UBE2Q2: variants seen among roughly 807,000 people sequenced by gnomAD.
UBE2Q2 encodes ubiquitin conjugating enzyme E2 Q2.
UBE2Q2 carries 54 observed loss-of-function variants against 59.9 expected under a neutral mutation model. That is an observed-to-expected ratio of 0.90 (90% CI 0.72 to 1.13). The LOEUF (loss-of-function observed/expected upper bound fraction) is 1.13. UBE2Q2 is among the 50% of genes most tolerant of loss of function. UBE2Q2 has a pLI of 0.00. For missense variants in UBE2Q2, 433 were observed against 441.9 expected, an observed-to-expected ratio of 0.98 and a Z score of 0.18; for synonymous variants, 165 against 155.2, an observed-to-expected ratio of 1.06 and a Z score of -0.47.
intron 3 of UBE2Q2, among the ~76,000 whole-genome samples, chr15:75,865,834 T>G (rs1006085513): frequency 6.6e-6 from 1 of 151,910 alleles, no homozygotes. Flanking sequence ...AGAAAGGGTT[T>G]AAAGGGATGT....
intron 4 of UBE2Q2, 38 bp downstream of exon 4, chr15:75,869,048 T>A: frequency 6.5e-7 from 1 of 1,546,812 alleles, no homozygotes; most frequent in Non-Finnish European, 8.8e-7. Context: ...CATAAATTTC[T>A]TCATTTTTGA....
rs2593300 is a variant in UBE2Q2 at position 75,847,193 on chromosome 15, T to C, written c.180+3347T>C. Among the ~76,000 whole-genome samples, 1,470 of 152,324 alleles carry C rather than the reference T, an allele frequency of 9.7e-3. 24 individuals carry two copies. The highest frequency in any genetic ancestry group is 0.033 in the African/African-American group (1,361 of 41,552). ...TTCCACTCAATAAATGCTTCATAAA[T>C]ATTTGAGTATATAGCGCTATTCTAG... On this transcript the variant is annotated intron_variant, in intron 1 of 12. Coordinates refer to ENST00000267938, the MANE Select transcript of UBE2Q2 (RefSeq NM_173469.4).
At chr15:75,878,704 T>C (rs950507602) in intron 7 of UBE2Q2, among the ~76,000 whole-genome samples, 8 of 151,952 alleles carry the variant, frequency 5.3e-5, no homozygotes, top group African/African-American at 1.9e-4. Flanking sequence ...TTTTAGTGAT[T>C]TAAGTTTTCA....
chr15:75,853,292 A>C (rs1442214899), intron 1 of UBE2Q2, among the ~76,000 whole-genome samples: 1 of 152,080 alleles, frequency 6.6e-6, no homozygotes, highest in Non-Finnish European at 1.5e-5. Context: ...CAGCATGGTG[A>C]AACCCCGTCT....
intron 4 of UBE2Q2, among the ~76,000 whole-genome samples, chr15:75,870,621 A>C (rs187809817): frequency 6.6e-6 from 1 of 152,306 alleles, no homozygotes; most frequent in African/African-American, 2.4e-5. Flanking sequence ...GGTAGACTGG[A>C]CTTTGGAGAT....
At chr15:75,894,763 A>G (rs887682671) in intron 11 of UBE2Q2, among the ~76,000 whole-genome samples, 2 of 152,080 alleles carry the variant, frequency 1.3e-5, no homozygotes, top group Non-Finnish European at 2.9e-5. Flanking sequence ...GGGAAGGCCA[A>G]CATTCTTATT....
At chr15:75,854,630 TC>T in intron 2 of UBE2Q2, 143 bp downstream of exon 2, 2 of 529,588 alleles carry the variant, frequency 3.8e-6, no homozygotes, top group Non-Finnish European at 6.4e-6. Flanking sequence ...TTGTTTTTTT[TC>T]CTTCAAATTC....
At chr15:75,880,919 ATG>A (rs1898375674) in intron 8 of UBE2Q2, among the ~76,000 whole-genome samples, 1 of 152,188 alleles carries the variant, frequency 6.6e-6, no homozygotes. Context: ...TAGCTTTTTT[ATG>A]TGTGTGTTTT....
chr15:75,857,816 T>C (rs922872003), intron 2 of UBE2Q2, among the ~76,000 whole-genome samples: 4 of 151,800 alleles, frequency 2.6e-5, no homozygotes, highest in African/African-American at 4.8e-5. Flanking sequence ...TTCTAAGATA[T>C]ATTAAATGAA....
intron 2 of UBE2Q2, among the ~76,000 whole-genome samples, 191 bp from the exon 3 acceptor site, chr15:75,859,687 G>T (rs1325695427): frequency 6.6e-6 from 1 of 152,218 alleles, no homozygotes; most frequent in South Asian, 2.1e-4. Flanking sequence ...TATACCCCAA[G>T]CCATAGTAAC....
intron 2 of UBE2Q2, among the ~76,000 whole-genome samples, chr15:75,858,804 A>C (rs1329891041): frequency 1.3e-5 from 2 of 152,208 alleles, no homozygotes; most frequent in Admixed American, 6.5e-5. Context: ...GTGGATATCA[A>C]ATCCACACTG....
chr15:75,864,911 T>C (rs1243561319), intron 3 of UBE2Q2, among the ~76,000 whole-genome samples: 5 of 152,376 alleles, frequency 3.3e-5, no homozygotes, highest in Admixed American at 3.3e-4. Flanking sequence ...GTATACATTT[T>C]CTTTGGGTGC....
At chr15:75,883,330 C>T (rs770242412) in intron 8 of UBE2Q2, 36 bp from the exon 9 acceptor site, 6 of 1,568,984 alleles carry the variant, frequency 3.8e-6, no homozygotes, top group Non-Finnish European at 4.4e-6. Flanking sequence ...TAAGGATGTT[C>T]TTTAAATTAA....
intron 11 of UBE2Q2, among the ~76,000 whole-genome samples, chr15:75,893,997 G>A (rs1899253255): frequency 6.6e-6 from 1 of 152,276 alleles, no homozygotes; most frequent in South Asian, 2.1e-4. Flanking sequence ...GAAAAGGACA[G>A]TGTCATTCTC....
chr15:75,853,625 C>T (rs1294108384), intron 1 of UBE2Q2, among the ~76,000 whole-genome samples: 1 of 151,894 alleles, frequency 6.6e-6, no homozygotes, highest in Non-Finnish European at 1.5e-5. Context: ...TTTTCTATTG[C>T]TCTGTAACAA....
intron 2 of UBE2Q2, 37 bp downstream of exon 2, chr15:75,854,524 A>T: frequency 7.7e-7 from 1 of 1,303,668 alleles, no homozygotes; most frequent in Non-Finnish European, 1.1e-6. Context: ...TCTTTTCCTC[A>T]TGAACATTAC....
intron 4 of UBE2Q2, among the ~76,000 whole-genome samples, chr15:75,870,616 A>G (rs149919651): frequency 3.3e-5 from 5 of 152,190 alleles, no homozygotes; most frequent in African/African-American, 1.2e-4. Context: ...AGAAAGGTAG[A>G]CTGGACTTTG....
At position 75,844,303 on chromosome 15, in the gene UBE2Q2, C is replaced by T. The variant is rs1446501509; in HGVS notation, c.180+457C>T. On this transcript the variant is annotated intron_variant, in intron 1 of 12. Coordinates refer to ENST00000267938, the MANE Select transcript of UBE2Q2 (RefSeq NM_173469.4). ...TTTTTCAGTCGGATTTTCCTTCTTCCCGCTTGTTCAGCCAATTGTTTTTAA... is the reference window on the plus strand; with the variant it reads ...TTTTTCAGTCGGATTTTCCTTCTTCTCGCTTGTTCAGCCAATTGTTTTTAA... 3.9e-6 allele frequency: 6 copies of T among 1,546,934 alleles called. No homozygotes were observed. In the Admixed American group the frequency reaches 7.9e-5, roughly 20 times the overall value.
chr15:75,859,971 C>A lies in UBE2Q2; in HGVS notation c.376C>A (p.Pro126Thr). 6.3e-7 allele frequency: 1 copy of A among 1,594,934 alleles called. No homozygotes were observed. Among genetic ancestry groups the A allele is most frequent in the Middle Eastern group, 1.7e-4 (1 of 6,026 alleles). ...LDVEMLDQPL[P>T]TGQNGTTEEV... Reference sequence around the variant, plus strand: ...TGTTGAGATGCTAGATCAACCACTACCCACGGGTCAGGTAAAGTAAAAATT... The same window carrying A: ...TGTTGAGATGCTAGATCAACCACTAACCACGGGTCAGGTAAAGTAAAAATT... The change falls in exon 3 of 13, where the codon CCC (proline) becomes ACC (threonine). Residue 126 changes from proline (P) to threonine (T), a missense_variant. Physicochemically the swap from Pro to Thr is conservative, Grantham distance 38. Coordinates refer to ENST00000267938, the MANE Select transcript of UBE2Q2 (RefSeq NM_173469.4).
Sources: gnomAD v4.1 joint callset for allele counts (sites outside exome capture counted in the v4.1 genomes callset) on GRCh38, gnomAD v4.1.1 for gene constraint, MANE v1.5 for transcripts, NCBI Gene and HGNC (gene_info 2026-07-23, HGNC 2026-07-21) for gene names.